CACNG3: variants seen among roughly 807,000 people sequenced by gnomAD.
CACNG3 encodes calcium voltage-gated channel auxiliary subunit gamma 3.
CACNG3 carries 3 observed loss-of-function variants against 28.5 expected under a neutral mutation model. The observed-to-expected ratio is 0.11, with a 90% CI of 0.05 to 0.27. The LOEUF (loss-of-function observed/expected upper bound fraction) is 0.27, where lower values mean the gene tolerates loss of function less well. CACNG3 is among the 10% of genes least tolerant of loss of function. The probability of loss-of-function intolerance (pLI) is 1.00; values close to 1 mark genes in which losing one functional copy is unlikely to be tolerated. For synonymous variants in CACNG3, 174 were observed against 162.2 expected, an observed-to-expected ratio of 1.07 and a Z score of -0.55; for missense variants, 236 against 414.4, an observed-to-expected ratio of 0.57 and a Z score of 3.74.
chr16:24,313,000 AAAG>A, intron 1 of CACNG3, among the ~76,000 whole-genome samples: 1 of 151,204 alleles, frequency 6.6e-6, no homozygotes, highest in Non-Finnish European at 1.5e-5. Context: ...AGAAAGAAAG[AAAG>A]AAAAAGAGAG....
intron 1 of CACNG3, among the ~76,000 whole-genome samples, chr16:24,278,934 G>A (rs948475487): frequency 2.6e-5 from 4 of 152,204 alleles, no homozygotes; most frequent in African/African-American, 9.7e-5. Context: ...TGAAAGATGA[G>A]CAAAAGTTAG....
intron 1 of CACNG3, among the ~76,000 whole-genome samples, chr16:24,261,762 G>T (rs1342812219): frequency 1.3e-5 from 2 of 152,098 alleles, no homozygotes; most frequent in Middle Eastern, 3.2e-3. Context: ...CTACAGATGG[G>T]CCAGGATGAC....
chr16:24,322,364 C>A (rs1195240145), intron 1 of CACNG3, among the ~76,000 whole-genome samples: 2 of 152,130 alleles, frequency 1.3e-5, no homozygotes, highest in Non-Finnish European at 2.9e-5. Flanking sequence ...CCCTTGGGGA[C>A]CTGCCACAAG....
intron 1 of CACNG3, among the ~76,000 whole-genome samples, chr16:24,283,982 A>G (rs1355611141): frequency 6.6e-6 from 1 of 152,172 alleles, no homozygotes; most frequent in Non-Finnish European, 1.5e-5. Flanking sequence ...CCCATCAGGT[A>G]TGGAGATTTA....
intron 1 of CACNG3, among the ~76,000 whole-genome samples, chr16:24,310,674 G>GGGCTTT (rs1295464876): frequency 6.6e-6 from 1 of 152,178 alleles, no homozygotes; most frequent in East Asian, 1.9e-4. Flanking sequence ...CTGTGAGATA[G>GGGCTTT]GTATTGTTGT....
At chr16:24,284,251 G>C (rs558900990) in intron 1 of CACNG3, among the ~76,000 whole-genome samples, 2 of 152,290 alleles carry the variant, frequency 1.3e-5, no homozygotes, top group African/African-American at 4.8e-5. Context: ...TTAAATCTGA[G>C]TTGCGGTAAC....
intron 1 of CACNG3, among the ~76,000 whole-genome samples, chr16:24,270,717 A>T (rs571453244): frequency 6.6e-6 from 1 of 152,366 alleles, no homozygotes; most frequent in East Asian, 1.9e-4. Flanking sequence ...GGCTTAAGAA[A>T]GAGATAATCT....
At chr16:24,270,280 T>G (rs1336921227) in intron 1 of CACNG3, among the ~76,000 whole-genome samples, 3 of 152,244 alleles carry the variant, frequency 2.0e-5, no homozygotes, top group Non-Finnish European at 4.4e-5. Context: ...TAAAGATGTA[T>G]ATTTACAAAT....
chr16:24,273,504 T>C (rs34354821), intron 1 of CACNG3, among the ~76,000 whole-genome samples: 5,336 of 152,346 alleles, frequency 0.035, 127 homozygotes, highest in Middle Eastern at 0.078. Context: ...ATTTTTACTT[T>C]TTCATCATCA....
chr16:24,317,018 C>T (rs1425315024), intron 1 of CACNG3, among the ~76,000 whole-genome samples: 1 of 152,124 alleles, frequency 6.6e-6, no homozygotes, highest in Non-Finnish European at 1.5e-5. Context: ...ACAGAGGCAT[C>T]ATGACACCAG....
At position 24,317,946 on chromosome 16, in the gene CACNG3, C is replaced by T. The variant is rs946094064; in HGVS notation, c.212-28788C>T. ...ACTTGCTGGTCACTCAGCCCAGATGCTCTCCCGCTCATCTTAATGTGGCTG... is the reference window on the plus strand; with the variant it reads ...ACTTGCTGGTCACTCAGCCCAGATGTTCTCCCGCTCATCTTAATGTGGCTG... On this transcript the variant is annotated intron_variant, in intron 1 of 3. Coordinates refer to ENST00000005284, the MANE Select transcript of CACNG3 (RefSeq NM_006539.4). Among the ~76,000 whole-genome samples the T allele has an allele frequency of 5.3e-5, 8 of 152,186 alleles. 1 individual carries two copies. The highest frequency in any genetic ancestry group is 1.9e-4 in the African/African-American group (8 of 41,458).
In CACNG3 at chr16:24,362,235, C is replaced by A. The variant is rs1044658167; in HGVS notation, c.*372C>A. Reference sequence around the variant, plus strand: ...CTCCATCAGGCGCGCTCATAGTTGTCCCCATTGTCTACCCACACAAATCCT... The same window carrying A: ...CTCCATCAGGCGCGCTCATAGTTGTACCCATTGTCTACCCACACAAATCCT... On this transcript the variant is annotated 3_prime_UTR_variant, in exon 4 of 4. Coordinates refer to ENST00000005284, the MANE Select transcript of CACNG3 (RefSeq NM_006539.4). 3.3e-5 allele frequency: 6 copies of A among 179,306 alleles called. No homozygotes were observed. Among genetic ancestry groups the A allele is most frequent in the Non-Finnish European group, 5.9e-5 (5 of 85,152 alleles). The allele number at this position is 179,306 out of a possible 1,614,324, so 11.1% of individuals were successfully genotyped here. A position where few individuals can be genotyped will look rare whatever the true frequency, so the allele number is the denominator to read the frequency against.
chr16:24,346,150 T>C (rs184865304), intron 1 of CACNG3, among the ~76,000 whole-genome samples: 4 of 152,326 alleles, frequency 2.6e-5, no homozygotes, highest in Admixed American at 2.0e-4. Flanking sequence ...TTATGTTTCA[T>C]GGTGTTTTTG....
chr16:24,326,905 C>T (rs1899554837), intron 1 of CACNG3, among the ~76,000 whole-genome samples: 1 of 151,980 alleles, frequency 6.6e-6, no homozygotes, highest in Admixed American at 6.6e-5. Flanking sequence ...GATCTCGCTC[C>T]CCTGCCACCT....
At chr16:24,276,444 CT>C (rs1168690322) in intron 1 of CACNG3, among the ~76,000 whole-genome samples, 2 of 152,158 alleles carry the variant, frequency 1.3e-5, no homozygotes, top group Non-Finnish European at 2.9e-5. Flanking sequence ...ATTTGAGAGC[CT>C]CTGCTACAGC....
chr16:24,359,021 A>C (rs1900071738), intron 3 of CACNG3, among the ~76,000 whole-genome samples: 2 of 152,138 alleles, frequency 1.3e-5, no homozygotes, highest in Admixed American at 6.6e-5. Context: ...TTAATCTGAC[A>C]TCTGAGCCTC....
chr16:24,328,399 G>A (rs1273872955), intron 1 of CACNG3, among the ~76,000 whole-genome samples: 1 of 149,244 alleles, frequency 6.7e-6, no homozygotes, highest in African/African-American at 2.5e-5. Flanking sequence ...CATCACAGAG[G>A]ATCTCGTAGG....
intron 2 of CACNG3, among the ~76,000 whole-genome samples, chr16:24,349,887 A>T (rs1881212179): frequency 6.6e-6 from 1 of 152,210 alleles, no homozygotes; most frequent in Non-Finnish European, 1.5e-5. Context: ...CTGACAGCAG[A>T]AGGTTCAAAG....
intron 1 of CACNG3, among the ~76,000 whole-genome samples, chr16:24,279,855 A>G (rs1432489278): frequency 6.6e-6 from 1 of 152,108 alleles, no homozygotes; most frequent in African/African-American, 2.4e-5. Flanking sequence ...TGATGGGGAG[A>G]GGGTGAGTCT....
Sources: allele counts gnomAD v4.1 joint callset (sites outside exome capture counted in the v4.1 genomes callset), GRCh38; gene constraint gnomAD v4.1.1; transcripts MANE v1.5; gene names NCBI Gene and HGNC (gene_info 2026-07-23, HGNC 2026-07-21).